Variants in RAP1B observed in about 807,000 individuals in gnomAD.
The protein encoded by RAP1B is RAP1B, member of RAS oncogene family, also known as ras-related protein Rap-1b.
Under a neutral mutation model 27.5 loss-of-function variants are expected in RAP1B, and 1 was observed. The ratio of observed to expected loss-of-function variants is 0.04; its 90% CI spans 0.01 to 0.17. The LOEUF is 0.17. Among genes scored for constraint, RAP1B ranks in the 10% least tolerant of loss-of-function variants. The pLI is 1.00. For missense variants in RAP1B, 84 were observed against 214.8 expected (o/e 0.39, Z 3.81); for synonymous variants, 75 against 73.1 (o/e 1.03, Z -0.13).
chr12:68,637,035 A>C (rs1019677627), intron 1 of RAP1B, among the ~76,000 whole-genome samples: 1 of 152,118 alleles, frequency 6.6e-6, no homozygotes. Flanking sequence ...ATTGATGTGA[A>C]CTTAAATGGC....
At chr12:68,639,858 TG>T (rs1317203829) in intron 1 of RAP1B, among the ~76,000 whole-genome samples, 4 of 151,910 alleles carry the variant, frequency 2.6e-5, no homozygotes, top group African/African-American at 7.3e-5. Context: ...TTTTTTTTTT[TG>T]GGAGACTGAG....
In RAP1B at chr12:68,671,018, T is replaced by G. The variant is rs1383480945; in HGVS notation, c.*11769T>G. ...ACTCCAGCCTGGGCAACAAGAGTGATACTCCGTTTAAAAAAAAAAAAAAAA... is the reference window on the plus strand; with the variant it reads ...ACTCCAGCCTGGGCAACAAGAGTGAGACTCCGTTTAAAAAAAAAAAAAAAA... On this transcript the variant is annotated 3_prime_UTR_variant, in exon 8 of 8. Coordinates refer to ENST00000250559, the MANE Select transcript of RAP1B (RefSeq NM_001010942.3). 37 of 133,744 alleles carry G rather than the reference T, an allele frequency of 2.8e-4. No homozygotes were observed. The highest frequency in any genetic ancestry group is 4.0e-4 in the Non-Finnish European group (26 of 64,294). 8.3% of individuals were successfully genotyped at this position (133,744 alleles called of 1,614,324 possible).
intron 1 of RAP1B, among the ~76,000 whole-genome samples, chr12:68,613,698 C>T (rs1870782300): frequency 6.6e-6 from 1 of 152,000 alleles, no homozygotes; most frequent in Admixed American, 6.6e-5. Flanking sequence ...ATCTTCCTAG[C>T]GCGTTGCCTG....
rs2135975474 is a variant in RAP1B at position 68,660,121 on chromosome 12, T to C, written c.*872T>C. The C allele has an allele frequency of 8.5e-6, 1 of 118,240 alleles. No individual in the cohort carries two copies. Among genetic ancestry groups the C allele is most frequent in the East Asian group, 2.2e-4 (1 of 4,560 alleles). The allele number at this position is 118,240 out of a possible 1,614,324, so 7.3% of individuals were successfully genotyped here. A position where few individuals can be genotyped will look rare whatever the true frequency, so the allele number is the denominator to read the frequency against. On this transcript the variant is annotated 3_prime_UTR_variant, in exon 8 of 8. Coordinates refer to ENST00000250559, the MANE Select transcript of RAP1B (RefSeq NM_001010942.3). ...CTTGCTTGCTCATGCATAAGTGTAT[T>C]TGCAATACCAAATATACAGGTTTAG...
intron 1 of RAP1B, among the ~76,000 whole-genome samples, chr12:68,643,315 C>T (rs977042572): frequency 4.6e-5 from 7 of 152,074 alleles, no homozygotes; most frequent in African/African-American, 7.2e-5. Context: ...TGTGGCACAC[C>T]AGTTAAAGTA....
intron 1 of RAP1B, among the ~76,000 whole-genome samples, chr12:68,617,670 T>G (rs931143174): frequency 3.9e-5 from 6 of 152,324 alleles, no homozygotes; most frequent in Admixed American, 1.3e-4. Context: ...CCTCCTTGCC[T>G]CCTCAGTGAG....
In RAP1B at chr12:68,659,722, T is replaced by G. The variant is rs1874492327; in HGVS notation, c.*473T>G. On this transcript the variant is annotated 3_prime_UTR_variant, in exon 8 of 8. Transcript: ENST00000250559. The stretch of plus-strand genomic sequence containing the variant: ...TGATACTTGTAGCTTATTGTAATTT[T>G]TTTTAAGAAATTCAAGGTCATTATT... 2.6e-5 allele frequency: 4 copies of G among 152,664 alleles called. No homozygotes were observed. In the East Asian group the frequency reaches 7.7e-4, roughly 29 times the overall value. 9.5% of individuals were successfully genotyped at this position (152,664 alleles called of 1,614,324 possible).
intron 2 of RAP1B, 107 bp downstream of exon 2, chr12:68,648,888 C>T (rs888788129): frequency 2.1e-6 from 2 of 974,502 alleles, no homozygotes; most frequent in African/African-American, 1.7e-5. Flanking sequence ...TCCTTAATGA[C>T]TTTAGAAGCA....
intron 5 of RAP1B, among the ~76,000 whole-genome samples, chr12:68,654,504 TC>T (rs1405491480): frequency 1.3e-4 from 19 of 151,854 alleles, no homozygotes; most frequent in Non-Finnish European, 2.9e-5. Context: ...TTTTTTTTTT[TC>T]CTTTGAGATG....
intron 1 of RAP1B, among the ~76,000 whole-genome samples, chr12:68,644,312 C>T (rs1015365443): frequency 1.1e-4 from 16 of 152,022 alleles, no homozygotes; most frequent in African/African-American, 3.4e-4. Flanking sequence ...AACAGTGGGC[C>T]GGGCACGGTG....
intron 1 of RAP1B, among the ~76,000 whole-genome samples, chr12:68,612,548 C>T (rs1035181328): frequency 6.6e-6 from 1 of 152,184 alleles, no homozygotes; most frequent in African/African-American, 2.4e-5. Context: ...AGTAGTCTAT[C>T]CGTAAGAGAC....
Position 68,622,622 on chromosome 12 carries a change from C to T in RAP1B, c.-27+11579C>T, listed in dbSNP as rs116226927. Among the ~76,000 whole-genome samples the T allele has an allele frequency of 8.3e-3, 1,261 of 152,264 alleles. 22 individuals are homozygous for T. Among genetic ancestry groups the T allele is most frequent in the African/African-American group, 0.029 (1,185 of 41,548 alleles). The stretch of plus-strand genomic sequence containing the variant: ...GATCACCTTATATAAAGGAGCATTC[C>T]TCTTCATTACCTCTGTAGTTCTTAA... On this transcript the variant is annotated intron_variant, in intron 1 of 7. Transcript: ENST00000250559.
chr12:68,671,375 ATTAT>A lies in RAP1B; in HGVS notation c.*12132_*12135del, dbSNP rs560901834. 1.8e-4 allele frequency: 27 copies of A among 152,362 alleles called. No individual in the cohort carries two copies. Among genetic ancestry groups the A allele is most frequent in the African/African-American group, 6.5e-4 (27 of 41,592 alleles). The allele number at this position is 152,362 out of a possible 1,614,324, so 9.4% of individuals were successfully genotyped here. ...AAGGAAATGAAAGGAAATGCACAAG[ATTAT>A]TTATTGCCACACTCTAGAAGGAAAA... is the stretch of plus-strand genomic sequence containing the variant. On this transcript the variant is annotated 3_prime_UTR_variant, in exon 8 of 8. Coordinates refer to ENST00000250559, the MANE Select transcript of RAP1B (RefSeq NM_001010942.3).
In RAP1B at chr12:68,634,327, A is replaced by G. The variant is rs117005946; in HGVS notation, c.-26-14372A>G. On this transcript the variant is annotated intron_variant, in intron 1 of 7. Coordinates refer to ENST00000250559, the MANE Select transcript of RAP1B (RefSeq NM_001010942.3). ...TTTTATTTCCATTTTCAAATGAGGA[A>G]ATGAGACACAGTTTAAAATAACGAG... Among the ~76,000 whole-genome samples, 16 of 152,338 alleles carry G rather than the reference A, an allele frequency of 1.1e-4. No homozygotes were observed. The East Asian group carries it at 3.1e-3, about 29-fold the overall frequency.
At chr12:68,644,172 G>C (rs1873228574) in intron 1 of RAP1B, among the ~76,000 whole-genome samples, 1 of 152,106 alleles carries the variant, frequency 6.6e-6, no homozygotes, top group African/African-American at 2.4e-5. Flanking sequence ...TTAAAAGAGG[G>C]CTATTTCCCA....
Position 68,665,192 on chromosome 12 carries a change from T to G in RAP1B, c.*5943T>G, listed in dbSNP as rs915401166. ...ATGGGTATGGTACAGCAGGTAGTTA[T>G]GGGGAGACCTCTACTGTTCTAAATG... On this transcript the variant is annotated 3_prime_UTR_variant, in exon 8 of 8. Transcript: ENST00000250559. 6.6e-6 allele frequency: 1 copy of G among 152,228 alleles called. No homozygotes were observed. The highest frequency in any genetic ancestry group is 1.9e-4 in the East Asian group (1 of 5,200). 9.4% of individuals were successfully genotyped at this position (152,228 alleles called of 1,614,324 possible).
At position 68,655,286 on chromosome 12, in the gene RAP1B, T is replaced by TC. The variant is rs376549870; in HGVS notation, c.325-1018dup. Reference sequence around the variant, plus strand: ...GTGAGCTGAGATCACATCACTGCACTCCATCTAGGGTGACATAGTGAGACC... The same window carrying TC: ...GTGAGCTGAGATCACATCACTGCACTCCCATCTAGGGTGACATAGTGAGACC... On this transcript the variant is annotated intron_variant, in intron 5 of 7. Coordinates refer to ENST00000250559, the MANE Select transcript of RAP1B (RefSeq NM_001010942.3). Among the ~76,000 whole-genome samples the TC allele has an allele frequency of 3.2e-3, 484 of 152,238 alleles. 1 individual carries two copies. The highest frequency in any genetic ancestry group is 0.011 in the African/African-American group (470 of 41,544).
chr12:68,614,031 C>A (rs1182573159), intron 1 of RAP1B, among the ~76,000 whole-genome samples: 1 of 152,178 alleles, frequency 6.6e-6, no homozygotes, highest in Non-Finnish European at 1.5e-5. Context: ...TTGTAAGGAT[C>A]CTTTCAATTG....
In RAP1B at chr12:68,623,889, C is replaced by T. The variant is rs142105328; in HGVS notation, c.-27+12846C>T. On this transcript the variant is annotated intron_variant, in intron 1 of 7. Coordinates refer to ENST00000250559, the MANE Select transcript of RAP1B (RefSeq NM_001010942.3). ...ACAAAAACTTAGCCGGGCATGGTGG[C>T]GCACGCCAGTAGTCCCAGCTACTCA... is the stretch of plus-strand genomic sequence containing the variant. Among the ~76,000 whole-genome samples the T allele has an allele frequency of 5.3e-3, 808 of 152,244 alleles. 31 individuals carry two copies. Among genetic ancestry groups the T allele is most frequent in the Non-Finnish European group, 7.4e-4 (50 of 68,016 alleles).
Sources: allele counts gnomAD v4.1 joint callset (sites outside exome capture counted in the v4.1 genomes callset), GRCh38; gene constraint gnomAD v4.1.1; transcripts MANE v1.5; gene names NCBI Gene and HGNC (gene_info 2026-07-23, HGNC 2026-07-21).